The following SLIT2 variants were observed in gnomAD, a reference collection of about 807,000 sequenced individuals.
SLIT2 encodes the protein slit guidance ligand 2, also known as slit homolog 2 protein.
A neutral mutation model predicts 185.7 loss-of-function variants in SLIT2; 41 were observed. The observed-to-expected ratio is 0.22, with a 90% CI of 0.17 to 0.29. The LOEUF (loss-of-function observed/expected upper bound fraction) is 0.29, where lower values mean the gene tolerates loss of function less well. Among genes scored for constraint, SLIT2 ranks in the 10% least tolerant of loss-of-function variants. The probability of loss-of-function intolerance (pLI) is 1.00; values close to 1 mark genes in which losing one functional copy is unlikely to be tolerated. For missense variants in SLIT2, 1,571 were observed against 1,909.0 expected (o/e 0.82, Z 3.30); for synonymous variants, 693 against 680.2 (o/e 1.02, Z -0.29).
intron 3 of SLIT2, among the ~76,000 whole-genome samples, chr4:20,263,383 T>C (rs1299642600): frequency 6.6e-6 from 1 of 151,840 alleles, no homozygotes; most frequent in Non-Finnish European, 1.5e-5. Flanking sequence ...CTCTGCAATG[T>C]CCATACACTC....
chr4:20,466,477 G>A (rs552886749), intron 4 of SLIT2, among the ~76,000 whole-genome samples: 1 of 152,038 alleles, frequency 6.6e-6, no homozygotes, highest in South Asian at 2.1e-4. Flanking sequence ...TGTTTAAATA[G>A]ACTAGTATTT....
chr4:20,480,575 A>G, intron 5 of SLIT2, 141 bp from the exon 6 acceptor site: 1 of 583,928 alleles, frequency 1.7e-6, no homozygotes. Context: ...GGCTTATGAC[A>G]TTCGTAAGCA....
At chr4:20,578,030 G>T (rs34529351) in intron 29 of SLIT2, among the ~76,000 whole-genome samples, 51,183 of 151,950 alleles carry the variant, frequency 0.34, 8,885 homozygotes, top group African/African-American at 0.38. Flanking sequence ...GCCTGCAAGG[G>T]CACACCTCGG....
chr4:20,535,420 C>A (rs976671727), intron 18 of SLIT2, among the ~76,000 whole-genome samples: 1 of 151,894 alleles, frequency 6.6e-6, no homozygotes, highest in Non-Finnish European at 1.5e-5. Flanking sequence ...AATATTATAA[C>A]AAGCAGAAGG....
intron 4 of SLIT2, among the ~76,000 whole-genome samples, chr4:20,341,389 G>A (rs898840366): frequency 6.6e-6 from 1 of 152,206 alleles, no homozygotes; most frequent in African/African-American, 2.4e-5. Context: ...TGCTTAGGCA[G>A]CCCCACTTAC....
chr4:20,587,357 T>C (rs1727148348), intron 29 of SLIT2, among the ~76,000 whole-genome samples: 2 of 152,160 alleles, frequency 1.3e-5, no homozygotes, highest in Admixed American at 6.6e-5. Flanking sequence ...CCTATCTTAC[T>C]AAGGTCAGGT....
intron 29 of SLIT2, 152 bp from the exon 30 acceptor site, chr4:20,589,492 A>G (rs1390292529): frequency 4.7e-6 from 3 of 641,880 alleles, no homozygotes; most frequent in African/African-American, 1.8e-5. Flanking sequence ...ACCTGGTTCC[A>G]TGCCTTGTGG....
chr4:20,489,226 A>T lies in SLIT2; in HGVS notation c.775+244A>T, dbSNP rs566272339. On this transcript the variant is annotated intron_variant, in intron 8 of 36. Transcript: ENST00000504154. ...CACTTTTCAGTTTTCACTCCAGGGG[A>T]AAATATGGAAAATCGCTAAATGATG... Among the ~76,000 whole-genome samples, 7 of 152,280 alleles carry T rather than the reference A, an allele frequency of 4.6e-5. No homozygotes were observed. In the East Asian group the frequency reaches 1.4e-3, roughly 29 times the overall value.
intron 4 of SLIT2, among the ~76,000 whole-genome samples, chr4:20,289,530 G>A (rs770994028): frequency 9.2e-5 from 14 of 152,158 alleles, no homozygotes; most frequent in Non-Finnish European, 1.8e-4. Context: ...AAAAACCCAT[G>A]AAGGTGTGTT....
intron 5 of SLIT2, among the ~76,000 whole-genome samples, 157 bp downstream of exon 5, chr4:20,467,980 C>T (rs1456584443): frequency 6.6e-6 from 1 of 152,104 alleles, no homozygotes; most frequent in Non-Finnish European, 1.5e-5. Flanking sequence ...CAATTGTTTT[C>T]ACAAGCTGTT....
chr4:20,473,516 CA>C (rs961619341), intron 5 of SLIT2, among the ~76,000 whole-genome samples: 5 of 151,888 alleles, frequency 3.3e-5, no homozygotes. Flanking sequence ...ATTTGGCAAA[CA>C]GGATAGAGAG....
At chr4:20,546,309 T>A (rs562866182) in intron 22 of SLIT2, among the ~76,000 whole-genome samples, 54 of 152,234 alleles carry the variant, frequency 3.5e-4, no homozygotes, top group Non-Finnish European at 5.3e-4. Context: ...GGTCCTCCTC[T>A]ATTCAAAAAA....
At chr4:20,320,149 G>A (rs1718939941) in intron 4 of SLIT2, among the ~76,000 whole-genome samples, 1 of 152,144 alleles carries the variant, frequency 6.6e-6, no homozygotes, top group Non-Finnish European at 1.5e-5. Context: ...AAAATCTACA[G>A]ATAAACATGA....
chr4:20,602,578 G>A (rs953569576), intron 33 of SLIT2, among the ~76,000 whole-genome samples: 2 of 152,116 alleles, frequency 1.3e-5, no homozygotes, highest in Non-Finnish European at 2.9e-5. Flanking sequence ...AAATACAGGC[G>A]TTGGGCACCA....
intron 5 of SLIT2, among the ~76,000 whole-genome samples, chr4:20,475,454 A>T (rs1477063871): frequency 2.0e-5 from 3 of 151,926 alleles, no homozygotes; most frequent in Non-Finnish European, 4.4e-5. Context: ...CCATTTGGAG[A>T]ACAAAAAGTT....
In SLIT2 at chr4:20,253,951, C is replaced by T; in HGVS notation, c.136C>T (p.Leu46=). 6.2e-7 allele frequency: 1 copy of T among 1,603,120 alleles called. No individual in the cohort carries two copies. Among genetic ancestry groups the T allele is most frequent in the Admixed American group, 1.7e-5 (1 of 60,014 alleles). The change falls in exon 1 of 37, where the codon CTG becomes TTG. Residue 46 remains leucine, a synonymous_variant. Coordinates refer to ENST00000504154, the MANE Select transcript of SLIT2 (RefSeq NM_004787.4). ...GSTVDCHGLA[L]RSVPRNIPRN... The stretch of plus-strand genomic sequence containing the variant: ...CACAGTGGACTGTCACGGGCTGGCG[C>T]TGCGCAGCGTGCCCAGGAATATCCC...
In SLIT2 at chr4:20,619,157, C is replaced by A; in HGVS notation, c.*148C>A. 1.0e-5 allele frequency: 8 copies of A among 763,254 alleles called. No homozygotes were observed. The highest frequency in any genetic ancestry group is 1.5e-5 in the Non-Finnish European group (8 of 528,894). The allele number at this position is 763,254 out of a possible 1,614,324, so 47.3% of individuals were successfully genotyped here. ...TATTATGAGAATAAAGACTTTTTTT[C>A]TGCATTTGGAAAAAAAAAAAAAGAA... On this transcript the variant is annotated 3_prime_UTR_variant, in exon 37 of 37. Coordinates refer to ENST00000504154, the MANE Select transcript of SLIT2 (RefSeq NM_004787.4).
At chr4:20,600,542 C>G (rs1728330914) in intron 33 of SLIT2, among the ~76,000 whole-genome samples, 1 of 151,238 alleles carries the variant, frequency 6.6e-6, no homozygotes, top group Admixed American at 6.6e-5. Context: ...CCTGCCTCGG[C>G]CTCCCAAGTA....
At chr4:20,524,310 T>C in intron 14 of SLIT2, 133 bp downstream of exon 14, 1 of 767,486 alleles carries the variant, frequency 1.3e-6, no homozygotes, top group Non-Finnish European at 2.1e-6. Flanking sequence ...CCATGAATAA[T>C]AAAATAAAGA....
Sources: gnomAD v4.1 joint callset for allele counts (sites outside exome capture counted in the v4.1 genomes callset) on GRCh38, gnomAD v4.1.1 for gene constraint, MANE v1.5 for transcripts, NCBI Gene and HGNC (gene_info 2026-07-23, HGNC 2026-07-21) for gene names.